KIF9: variants seen among roughly 807,000 people sequenced by gnomAD.
The protein encoded by KIF9 is kinesin family member 9.
Under a neutral mutation model 94.8 loss-of-function variants are expected in KIF9, and 68 were observed. The observed-to-expected ratio is 0.72, with a 90% confidence interval of 0.59 to 0.88. The LOEUF is 0.88. KIF9 is among the 40% of genes least tolerant of loss of function. KIF9 has a pLI of 0.00. For synonymous variants in KIF9, 343 were observed against 362.1 expected, an observed-to-expected ratio of 0.95 and a Z score of 0.60; for missense variants, 882 against 982.5, an observed-to-expected ratio of 0.90 and a Z score of 1.37.
At chr3:47,279,651 C>CGAT (rs758759280) in intron 1 of KIF9, among the ~76,000 whole-genome samples, 12 of 150,380 alleles carry the variant, frequency 8.0e-5, no homozygotes, top group Admixed American at 1.3e-4. Context: ...GAGTCTCGCT[C>CGAT]TATCACCCAG....
intron 7 of KIF9, among the ~76,000 whole-genome samples, chr3:47,266,636 CTG>C: frequency 6.6e-6 from 1 of 152,252 alleles, no homozygotes; most frequent in East Asian, 1.9e-4. Context: ...CACGGCGAGA[CTG>C]TGTCTCAAAA....
At chr3:47,259,943 C>G (rs573988181) in intron 9 of KIF9, among the ~76,000 whole-genome samples, 8 of 16,342 alleles carry the variant, frequency 4.9e-4, no homozygotes, top group Non-Finnish European at 8.8e-4. Flanking sequence ...TCCCCCAGCC[C>G]GACACCCGTA....
At chr3:47,256,727 G>A (rs2107344365) in intron 10 of KIF9, among the ~76,000 whole-genome samples, 1 of 152,358 alleles carries the variant, frequency 6.6e-6, no homozygotes, top group African/African-American at 2.4e-5. Context: ...AAAGGATTGA[G>A]AAGTCGGATG....
chr3:47,274,977 C>A (rs542793880), intron 3 of KIF9, among the ~76,000 whole-genome samples: 1 of 152,268 alleles, frequency 6.6e-6, no homozygotes, highest in East Asian at 1.9e-4. Flanking sequence ...ATGAAAATAG[C>A]TCCTAGCAGG....
chr3:47,248,345 G>A (rs1354687738), intron 10 of KIF9: 3 of 465,154 alleles, frequency 6.4e-6, no homozygotes, highest in East Asian at 7.7e-5. Flanking sequence ...GACAGCACAA[G>A]CCACACAGCC....
chr3:47,232,202 C>A (rs1174306339), intron 20 of KIF9, among the ~76,000 whole-genome samples: 1 of 152,206 alleles, frequency 6.6e-6, no homozygotes, highest in Non-Finnish European at 1.5e-5. Context: ...AGGGCAAACC[C>A]TTACTAGCCC....
intron 7 of KIF9, among the ~76,000 whole-genome samples, chr3:47,266,440 T>C (rs1701293981): frequency 6.6e-6 from 1 of 152,008 alleles, no homozygotes; most frequent in Non-Finnish European, 1.5e-5. Flanking sequence ...GCCCAGGAGT[T>C]CAAGTTCAGC....
chr3:47,241,152 C>A, intron 16 of KIF9, 137 bp from the exon 17 acceptor site: 1 of 692,700 alleles, frequency 1.4e-6, no homozygotes, highest in Non-Finnish European at 2.5e-6. Context: ...AAGACAGGAG[C>A]TAAACTGTGT....
At chr3:47,247,729 CAG>C (rs1345072876) in intron 11 of KIF9, among the ~76,000 whole-genome samples, 1 of 152,180 alleles carries the variant, frequency 6.6e-6, no homozygotes, top group African/African-American at 2.4e-5. Flanking sequence ...CTACTCCAGA[CAG>C]AGGCTCTGCT....
Position 47,236,870 on chromosome 3 carries a change from G to A in KIF9, c.1925-251C>T, listed in dbSNP as rs139131677. On this transcript the variant is annotated intron_variant, in intron 17 of 20. Coordinates refer to ENST00000684063, the MANE Select transcript of KIF9 (RefSeq NM_182902.4). ...TAGGGCAAACAAGAGCAGAGGGCAG[G>A]GGAAGGTACAGAAGGCCCATGCTCC... 1.2e-4 allele frequency among the ~76,000 whole-genome samples: 18 copies of A among 152,294 alleles called. No homozygotes were observed. In the East Asian group the frequency reaches 3.1e-3, roughly 26 times the overall value.
At chr3:47,280,923 T>A in intron 1 of KIF9, 1 of 703,040 alleles carries the variant, frequency 1.4e-6, no homozygotes, top group African/African-American at 1.7e-5. Flanking sequence ...ACCCAAACAT[T>A]TAGGGACCCC....
chr3:47,232,249 TCCAGA>T (rs1698644319), intron 20 of KIF9, among the ~76,000 whole-genome samples: 1 of 152,198 alleles, frequency 6.6e-6, no homozygotes, highest in South Asian at 2.1e-4. Flanking sequence ...CTTGCCAGCT[TCCAGA>T]ACTGTGAGCA....
At chr3:47,245,220 C>T in intron 14 of KIF9, 1 of 608,796 alleles carries the variant, frequency 1.6e-6, no homozygotes, top group Non-Finnish European at 2.9e-6. Context: ...ATATTATTAT[C>T]CATGTCTCTA....
At chr3:47,261,545 C>T (rs1700974319) in intron 9 of KIF9, among the ~76,000 whole-genome samples, 2 of 152,190 alleles carry the variant, frequency 1.3e-5, no homozygotes, top group African/African-American at 2.4e-5. Flanking sequence ...TGTCTCATCT[C>T]TCAATGAATG....
At chr3:47,260,073 C>T (rs1419417245) in intron 9 of KIF9, among the ~76,000 whole-genome samples, 3 of 124,926 alleles carry the variant, frequency 2.4e-5, no homozygotes, top group Admixed American at 8.9e-5. Flanking sequence ...GTATAAAACC[C>T]GATTGTATGC....
At chr3:47,249,128 AAT>A (rs765901927) in intron 10 of KIF9, among the ~76,000 whole-genome samples, 1 of 149,732 alleles carries the variant, frequency 6.7e-6, no homozygotes, top group Non-Finnish European at 1.5e-5. Flanking sequence ...CCCCAATAAT[AAT>A]CATGTATGTC....
Position 47,235,562 on chromosome 3 carries a change from C to A in KIF9, c.2273G>T (p.Gly758Val), listed in dbSNP as rs756787749. The change falls in exon 20 of 21, where the codon GGC (glycine) becomes GTC (valine). Residue 758 changes from glycine to valine, a missense_variant. Gly to Val is a moderately radical substitution (Grantham distance 109). Transcript: ENST00000684063. ...ATTGTAGAAGGAGATGGAATCAGGG[C>A]CCTCAGGAAGCACCCTCTGCTGCAG... ...SQLQQRVLPEGPDSISFYNAK... is the reference protein window; with the variant it reads ...SQLQQRVLPEVPDSISFYNAK... 6.2e-7 allele frequency: 1 copy of A among 1,613,996 alleles called. No individual in the cohort carries two copies. The highest frequency in any genetic ancestry group is 8.5e-7 in the Non-Finnish European group (1 of 1,180,006).
intron 10 of KIF9, among the ~76,000 whole-genome samples, chr3:47,251,548 A>G (rs1231230279): frequency 6.6e-6 from 1 of 152,216 alleles, no homozygotes; most frequent in Non-Finnish European, 1.5e-5. Flanking sequence ...TGGGCAACAG[A>G]GTGAGACCCT....
intron 9 of KIF9, chr3:47,263,503 C>A (rs919512271): frequency 4.5e-5 from 9 of 199,606 alleles, no homozygotes; most frequent in Non-Finnish European, 8.3e-5. Context: ...CCTGTGATTT[C>A]TTTTCTTCTT....
Sources: gnomAD v4.1 joint callset for allele counts (sites outside exome capture counted in the v4.1 genomes callset) on GRCh38, gnomAD v4.1.1 for gene constraint, MANE v1.5 for transcripts, NCBI Gene and HGNC (gene_info 2026-07-23, HGNC 2026-07-21) for gene names.